The following TUBB8B variants were observed in gnomAD, a reference collection of about 807,000 sequenced individuals.
TUBB8B encodes the protein HSA18p11 beta-tubulin 4Q pseudogene.
TUBB8B carries 26 observed loss-of-function variants against 31.9 expected under a neutral mutation model. The observed-to-expected ratio is 0.81, with a 90% confidence interval of 0.60 to 1.13. TUBB8B has a LOEUF of 1.13. TUBB8B is among the 50% of genes most tolerant of loss of function. The pLI, the probability that TUBB8B is intolerant of heterozygous loss-of-function variation, is 0.00. For missense variants in TUBB8B, 467 were observed against 586.7 expected (o/e 0.80, Z 2.11); for synonymous variants, 173 against 231.0 (o/e 0.75, Z 2.28).
At chr18:61,535 C>T in the TUBB8B span, among the ~76,000 whole-genome samples, 1 of 151,396 alleles carries the variant, frequency 6.6e-6, no homozygotes, top group Non-Finnish European at 1.5e-5. Flanking sequence ...TTTCTTTCTT[C>T]CTGTCTTCCT....
chr18:66,824 C>T, the TUBB8B span, among the ~76,000 whole-genome samples: 4 of 152,082 alleles, frequency 2.6e-5, no homozygotes, highest in Non-Finnish European at 5.9e-5. Context: ...GGGATTGTAA[C>T]AGGATCCACA....
At chr18:55,617 G>A in the TUBB8B span, among the ~76,000 whole-genome samples, 1 of 151,622 alleles carries the variant, frequency 6.6e-6, no homozygotes, top group African/African-American at 2.4e-5. Context: ...CAGCCTGGGG[G>A]AAACCAACCC....
the TUBB8B span, among the ~76,000 whole-genome samples, chr18:55,220 C>T: frequency 6.6e-6 from 1 of 151,836 alleles, no homozygotes; most frequent in East Asian, 1.9e-4. Flanking sequence ...TCTGCCTCAG[C>T]CTCTTGAGTA....
upstream of TUBB8B, among the ~76,000 whole-genome samples, chr18:53,500 T>G (rs1906189009): frequency 6.6e-6 from 1 of 151,844 alleles, no homozygotes; most frequent in Non-Finnish European, 1.5e-5. Flanking sequence ...GACAGAGTCT[T>G]GCTCTATTGC....
the TUBB8B span, among the ~76,000 whole-genome samples, chr18:54,896 T>C: frequency 6.6e-6 from 1 of 151,974 alleles, no homozygotes; most frequent in Non-Finnish European, 1.5e-5. Context: ...TTGGGTTTGA[T>C]TTGCATTTCT....
the TUBB8B span, among the ~76,000 whole-genome samples, chr18:61,990 A>T: frequency 6.6e-6 from 1 of 151,790 alleles, no homozygotes; most frequent in Non-Finnish European, 1.5e-5. Context: ...TCAGGCTCAG[A>T]ACTCCCTTTT....
chr18:53,818 C>T (rs569958031), upstream of TUBB8B, among the ~76,000 whole-genome samples: 5 of 151,934 alleles, frequency 3.3e-5, no homozygotes, highest in South Asian at 2.1e-4. Flanking sequence ...AGCAGGGAGC[C>T]GAGCAAATTC....
chr18:57,770 C>G, the TUBB8B span, among the ~76,000 whole-genome samples: 1 of 151,956 alleles, frequency 6.6e-6, no homozygotes, highest in African/African-American at 2.4e-5. Context: ...GAGGGCTCCA[C>G]CCCTGCAGCA....
chr18:71,386 A>T, the TUBB8B span, among the ~76,000 whole-genome samples: 309 of 127,016 alleles, frequency 2.4e-3, no homozygotes, highest in Middle Eastern at 4.6e-3. Flanking sequence ...CATCTCTACT[A>T]AAAATACAAA....
chr18:63,889 C>A, the TUBB8B span, among the ~76,000 whole-genome samples: 1 of 150,696 alleles, frequency 6.6e-6, no homozygotes, highest in Middle Eastern at 3.5e-3. Context: ...AGCCCTAACC[C>A]TAACCCTACC....
the TUBB8B span, among the ~76,000 whole-genome samples, chr18:63,137 T>A: frequency 6.6e-6 from 1 of 151,790 alleles, no homozygotes; most frequent in Non-Finnish European, 1.5e-5. Context: ...CCCTGGTGCC[T>A]TATTTAGCTT....
chr18:51,379 G>A (rs1906098559), upstream of TUBB8B, among the ~76,000 whole-genome samples: 3 of 151,860 alleles, frequency 2.0e-5, no homozygotes, highest in South Asian at 6.2e-4. Context: ...TGAATCAGGG[G>A]ATGGGTCTTT....
At chr18:65,404 A>C in the TUBB8B span, among the ~76,000 whole-genome samples, 18 of 152,210 alleles carry the variant, frequency 1.2e-4, no homozygotes, top group Admixed American at 1.2e-3. Flanking sequence ...TTTCTCAGAA[A>C]ATCAAGCTGG....
the TUBB8B span, among the ~76,000 whole-genome samples, chr18:63,812 C>A: frequency 2.7e-5 from 4 of 148,356 alleles, no homozygotes; most frequent in Non-Finnish European, 4.5e-5. Flanking sequence ...AACCCTAACC[C>A]CTAACCCTAA....
chr18:71,019 G>C, the TUBB8B span, among the ~76,000 whole-genome samples: 1 of 151,898 alleles, frequency 6.6e-6, no homozygotes, highest in Middle Eastern at 3.2e-3. Flanking sequence ...AGGCTGACGT[G>C]TAAGAATCAC....
At chr18:59,463 G>T in the TUBB8B span, among the ~76,000 whole-genome samples, 1 of 151,220 alleles carries the variant, frequency 6.6e-6, no homozygotes, top group Non-Finnish European at 1.5e-5. Flanking sequence ...AGTTTTCAAA[G>T]GGTTTATTAT....
chr18:61,913 C>A, the TUBB8B span, among the ~76,000 whole-genome samples: 1 of 151,600 alleles, frequency 6.6e-6, no homozygotes, highest in East Asian at 1.9e-4. Context: ...CTGTGTTTTT[C>A]CATGTGCTAT....
At chr18:66,996 GT>G in the TUBB8B span, among the ~76,000 whole-genome samples, 227 of 139,640 alleles carry the variant, frequency 1.6e-3, no homozygotes, top group Admixed American at 2.4e-3. Context: ...TGTTTTTTTT[GT>G]TTTTTTTTTT....
At chr18:66,312 G>A in the TUBB8B span, among the ~76,000 whole-genome samples, 1 of 152,200 alleles carries the variant, frequency 6.6e-6, no homozygotes, top group Non-Finnish European at 1.5e-5. Flanking sequence ...AATGCTTTGG[G>A]AGGACAAGAG....
Sources: allele counts gnomAD v4.1 joint callset (sites outside exome capture counted in the v4.1 genomes callset), GRCh38; gene constraint gnomAD v4.1.1; transcripts MANE v1.5; gene names NCBI Gene and HGNC (gene_info 2026-07-23, HGNC 2026-07-21).